SH3TC2: variants seen among roughly 807,000 people sequenced by gnomAD.
SH3TC2 encodes the protein SH3 domain and tetratricopeptide repeat-containing protein 2.
A neutral mutation model predicts 124.5 loss-of-function variants in SH3TC2; 87 were observed. That is an observed-to-expected ratio of 0.70 (90% confidence interval 0.59 to 0.84). The LOEUF is 0.84. Ranked by LOEUF, SH3TC2 falls within the 40% of genes least tolerant of loss-of-function variation. The pLI is 0.00. For synonymous variants in SH3TC2, 634 were observed against 628.5 expected (o/e 1.01, Z -0.13); for missense variants, 1,536 against 1,566.4 (o/e 0.98, Z 0.33).
In SH3TC2 at chr5:149,047,960, G is replaced by A. The variant is rs773087313; in HGVS notation, c.181C>T (p.Arg61Cys). 8.7e-6 allele frequency: 14 copies of A among 1,613,944 alleles called. No homozygotes were observed. The highest frequency in any genetic ancestry group is 6.7e-5 in the East Asian group (3 of 44,890). Reference protein sequence around the residue: ...DLTLSFCVKSRSRRCVNGPLQ... With the variant: ...DLTLSFCVKSCSRRCVNGPLQ... ...GGTCCATTTACACACCTCCTGGAGC[G>A]GCTCTTTACACAGAAGGAGAGTGTC... The change falls in exon 3 of 17, where the codon CGC (arginine) becomes TGC (cysteine). Residue 61 changes from arginine (R) to cysteine (C), a missense_variant. Physicochemically the swap from Arg to Cys is radical, Grantham distance 180. Coordinates refer to ENST00000515425, the MANE Select transcript of SH3TC2 (RefSeq NM_024577.4).
rs1243034376 is a variant in SH3TC2 at position 149,027,217 on chromosome 5, A to T, written c.2515T>A (p.Tyr839Asn). The change falls in exon 11 of 17, where the codon TAT (tyrosine) becomes AAT (asparagine). Residue 839 changes from tyrosine to asparagine, a missense_variant. Transcript: ENST00000515425. ...TGGAGTGCAAGTCCCAGGAGGTTAT[A>T]GATGACTCCCCTTTGAGTGAGACTC... is the stretch of plus-strand genomic sequence containing the variant. Reference protein sequence around the residue: ...TESLTQRGVIYNLLGLALQGE... With the variant: ...TESLTQRGVINNLLGLALQGE... 1.2e-6 allele frequency: 2 copies of T among 1,614,106 alleles called. No individual in the cohort carries two copies. The highest frequency in any genetic ancestry group is 2.7e-5 in the African/African-American group (2 of 74,948).
At position 149,062,973 on chromosome 5, in the gene SH3TC2, G is replaced by A. The variant is rs760907388; in HGVS notation, c.50C>T (p.Pro17Leu). 3 of 1,592,578 alleles carry A rather than the reference G, an allele frequency of 1.9e-6. No individual in the cohort carries two copies. In the African/African-American group the frequency reaches 4.0e-5, roughly 21 times the overall value. ...IPRERSLTRG[P>L]GKETPSKDPT... ...CAAGGGCCCCCTGGGAAACTCACCT[G>A]GGCCCCGGGTCAGACTCCGCTCCCT... is the stretch of plus-strand genomic sequence containing the variant. The change falls in exon 1 of 17, where the codon CCA becomes CTA. Residue 17 changes from proline to leucine, a missense_variant and splice_region_variant. Pro to Leu is a moderately conservative substitution (Grantham distance 98, BLOSUM62 -3). Transcript: ENST00000515425.
At chr5:149,010,474 C>T in intron 13 of SH3TC2, 82 bp from the exon 14 acceptor site, 2 of 1,585,074 alleles carry the variant, frequency 1.3e-6, no homozygotes, top group Non-Finnish European at 1.7e-6. Flanking sequence ...AAGACGCAGA[C>T]CACCTAAATC....
chr5:149,060,568 T>C (rs1372350052), intron 1 of SH3TC2, among the ~76,000 whole-genome samples: 3 of 152,182 alleles, frequency 2.0e-5, no homozygotes, highest in Non-Finnish European at 4.4e-5. Context: ...CTTTCCTGTG[T>C]CCATTAGCCC....
intron 3 of SH3TC2, chr5:149,045,989 GC>G: frequency 2.4e-6 from 1 of 423,342 alleles, no homozygotes; most frequent in Non-Finnish European, 4.7e-6. Context: ...CTGAATCACT[GC>G]CCAGACTTAG....
chr5:149,000,254 A>G lies in SH3TC2; in HGVS notation c.*4457T>C, dbSNP rs376967624. Among the ~76,000 whole-genome samples the G allele has an allele frequency of 1.3e-5, 2 of 152,200 alleles. No homozygotes were observed. The highest frequency in any genetic ancestry group is 4.1e-4 in the South Asian group (2 of 4,830). ...GTGTGCCCAAACCTGGCATTGAATG[A>G]CACTGACCCTCCTCAGAAGGAGCTC... On this transcript the variant is annotated 3_prime_UTR_variant, in exon 17 of 17. Transcript: ENST00000515425.
At chr5:149,047,485 T>C in intron 3 of SH3TC2, 1 of 288,704 alleles carries the variant, frequency 3.5e-6, no homozygotes, top group South Asian at 3.6e-5. Flanking sequence ...TTTTATGTTA[T>C]GTATATTGTA....
rs1753484089 is a variant in SH3TC2 at position 148,994,911 on chromosome 5, A to C, written c.*9800T>G. Among the ~76,000 whole-genome samples the C allele has an allele frequency of 6.6e-6, 1 of 152,164 alleles. No individual in the cohort carries two copies. The highest frequency in any genetic ancestry group is 2.1e-4 in the South Asian group (1 of 4,822). ...GATGAGGTTTTTATCCACATCCCAC[A>C]ATACCATGAACTTATGATTTCCCAA... is the stretch of plus-strand genomic sequence containing the variant. On this transcript the variant is annotated 3_prime_UTR_variant, in exon 17 of 17. Transcript: ENST00000515425.
Position 148,996,709 on chromosome 5 carries a change from C to T in SH3TC2, c.*8002G>A, listed in dbSNP as rs949376674. On this transcript the variant is annotated 3_prime_UTR_variant, in exon 17 of 17. Transcript: ENST00000515425. Reference sequence around the variant, plus strand: ...TCAGATATATCCCCAGATGAACAAACATCAGAAGTTCTCTATGTGCAAGAA... The same window carrying T: ...TCAGATATATCCCCAGATGAACAAATATCAGAAGTTCTCTATGTGCAAGAA... 2.0e-5 allele frequency among the ~76,000 whole-genome samples: 3 copies of T among 152,130 alleles called. No individual in the cohort carries two copies. The highest frequency in any genetic ancestry group is 4.4e-5 in the Non-Finnish European group (3 of 68,040).
At position 149,042,475 on chromosome 5, in the gene SH3TC2, G is replaced by C. The variant is rs186170159; in HGVS notation, c.529+219C>G. ...GTATCTTAGTAAAACTCTCCAAGCA[G>C]TTCTAACATCAATCAGTGAGACTGA... On this transcript the variant is annotated intron_variant, in intron 5 of 16. Coordinates refer to ENST00000515425, the MANE Select transcript of SH3TC2 (RefSeq NM_024577.4). Among the ~76,000 whole-genome samples, 8 of 152,322 alleles carry C rather than the reference G, an allele frequency of 5.3e-5. No individual in the cohort carries two copies. The East Asian group carries it at 1.5e-3, about 29-fold the overall frequency.
rs1224242015 is a variant in SH3TC2, at chr5:149,027,795, A to G, written c.1937T>C (p.Leu646Pro). ...CFLAIRLLLS[L>P]GRHEEVLPFA... ...GGGCAGGACCTCCTCGTGCCGGCCTAGGCTCAGGAGCAAGCGGATGGCCAG... is the reference window on the plus strand; with the variant it reads ...GGGCAGGACCTCCTCGTGCCGGCCTGGGCTCAGGAGCAAGCGGATGGCCAG... Residue 646 changes from leucine (L) to proline (P), a missense_variant, in exon 11 of 17, where the codon CTA becomes CCA. Around this residue, in one of 3 missense-constraint regions of SH3TC2, gnomAD observed 1,102 missense variants for 1,098.6 expected, o/e 1.00. Transcript: ENST00000515425. 1.9e-6 allele frequency: 3 copies of G among 1,613,970 alleles called. No homozygotes were observed. The South Asian group carries it at 3.3e-5, about 18-fold the overall frequency.
At chr5:149,031,240 G>A (rs113930092) in intron 9 of SH3TC2, among the ~76,000 whole-genome samples, 1 of 152,120 alleles carries the variant, frequency 6.6e-6, no homozygotes, top group Admixed American at 6.5e-5. Flanking sequence ...GTCCTAGAAG[G>A]TACCTCAGCC....
chr5:149,062,990 C>T lies in SH3TC2; in HGVS notation c.33G>A (p.Arg11=). The T allele has an allele frequency of 6.3e-7, 1 of 1,598,814 alleles. No homozygotes were observed. Among genetic ancestry groups the T allele is most frequent in the East Asian group, 2.3e-5 (1 of 44,296 alleles). The stretch of plus-strand genomic sequence containing the variant: ...ACTCACCTGGGCCCCGGGTCAGACT[C>T]CGCTCCCTGGGGATGCAGAAGCAGC... MGGCFCIPRE[R]SLTRGPGKET... The change falls in exon 1 of 17, where the codon CGG becomes CGA. Residue 11 remains arginine, a synonymous_variant. Coordinates refer to ENST00000515425, the MANE Select transcript of SH3TC2 (RefSeq NM_024577.4).
intron 1 of SH3TC2, among the ~76,000 whole-genome samples, chr5:149,060,860 G>A (rs1395862122): frequency 6.6e-6 from 1 of 152,168 alleles, no homozygotes; most frequent in East Asian, 1.9e-4. Flanking sequence ...TTTACAGCCA[G>A]GAAAACTGAG....
intron 15 of SH3TC2, chr5:149,007,686 G>A: frequency 6.0e-6 from 1 of 166,042 alleles, no homozygotes; most frequent in Non-Finnish European, 1.3e-5. Context: ...TTTCTAACGG[G>A]TCTATGACTT....
Position 148,986,920 on chromosome 5 carries a change from A to G in SH3TC2, c.*17791T>C, listed in dbSNP as rs1753342058. On this transcript the variant is annotated 3_prime_UTR_variant, in exon 17 of 17. Transcript: ENST00000515425. ...TTTAACAATGCAATAATATGAGGTC[A>G]TATCAAGAATTCCAAGGAGAGGCAG... Among the ~76,000 whole-genome samples the G allele has an allele frequency of 6.6e-6, 1 of 152,256 alleles. No individual in the cohort carries two copies. The highest frequency in any genetic ancestry group is 1.5e-5 in the Non-Finnish European group (1 of 68,046).
At chr5:149,037,622 C>T (rs1270573682) in intron 8 of SH3TC2, among the ~76,000 whole-genome samples, 2 of 152,152 alleles carry the variant, frequency 1.3e-5, no homozygotes, top group East Asian at 1.9e-4. Flanking sequence ...GTACTTCCTG[C>T]GCCCAGGCTT....
chr5:149,028,728 G>C lies in SH3TC2; in HGVS notation c.1136-10C>G, dbSNP rs199511047. 1 of 1,614,058 alleles carries C rather than the reference G, an allele frequency of 6.2e-7. No individual in the cohort carries two copies. On this transcript the variant is annotated splice_polypyrimidine_tract_variant and intron_variant, in intron 9 of 16. Coordinates refer to ENST00000515425, the MANE Select transcript of SH3TC2 (RefSeq NM_024577.4). ...ATGGATTCAAACCCACCTAAGTAGA[G>C]ATGAAGAACAGGTCTGGTGTTAGGT...
intron 12 of SH3TC2, among the ~76,000 whole-genome samples, chr5:149,013,263 C>A (rs1329467018): frequency 6.6e-6 from 1 of 151,880 alleles, no homozygotes; most frequent in Non-Finnish European, 1.5e-5. Flanking sequence ...GCCGTTACCC[C>A]CATGCTGCTG....
Sources: allele counts gnomAD v4.1 joint callset (sites outside exome capture counted in the v4.1 genomes callset), GRCh38; gene constraint gnomAD v4.1.1; regional missense constraint gnomAD v4.1.1; transcripts MANE v1.5; gene names NCBI Gene and HGNC (gene_info 2026-07-23, HGNC 2026-07-21).